The following EIF2D variants were observed in gnomAD, a reference collection of about 807,000 sequenced individuals.
The protein encoded by EIF2D is hepatocellular carcinoma-associated antigen 56.
In EIF2D, 56 loss-of-function variants were observed where a neutral mutation model predicts 77.4. The ratio of observed to expected loss-of-function variants is 0.72; its 90% confidence interval spans 0.58 to 0.90. The LOEUF (loss-of-function observed/expected upper bound fraction) is 0.90. Among genes scored for constraint, EIF2D ranks in the 40% least tolerant of loss-of-function variants. EIF2D has a pLI of 0.00. For synonymous variants in EIF2D, 230 were observed against 271.0 expected, an observed-to-expected ratio of 0.85 and a Z score of 1.49; for missense variants, 574 against 706.5, an observed-to-expected ratio of 0.81 and a Z score of 2.13.
chr1:206,585,256 C>G, intron 2 of EIF2D: 1 of 1,614,176 alleles, frequency 6.2e-7, no homozygotes, highest in South Asian at 1.1e-5. Flanking sequence ...CGGAGGTCCT[C>G]AGCTTTGTGC....
In EIF2D at chr1:206,579,763, T is replaced by C. The variant is rs141667107; in HGVS notation, c.*254+929A>G. Among the ~76,000 whole-genome samples, 331 of 152,284 alleles carry C rather than the reference T, an allele frequency of 2.2e-3. No homozygotes were observed. Among genetic ancestry groups the C allele is most frequent in the African/African-American group, 7.6e-3 (316 of 41,552 alleles). ...AAGTTTCTAAAGATCCCCCAGATGA[T>C]TGCACTGTGCAGACAAGTTTAAGAA... On this transcript the variant is annotated intron_variant and NMD_transcript_variant, in intron 4 of 5. Coordinates refer to the EIF2D transcript ENST00000472709. This position sits in a 1 kb window ranked among gnomAD's most constrained non-coding sequence, Gnocchi z 4.2.
At chr1:206,573,235 C>T (rs1553404549) in intron 4 of EIF2D, among the ~76,000 whole-genome samples, 2 of 151,808 alleles carry the variant, frequency 1.3e-5, no homozygotes, top group Non-Finnish European at 2.9e-5. Context: ...CCGAGGTGGG[C>T]GGACTGCTTG....
intron 11 of EIF2D, 92 bp from the exon 12 acceptor site, chr1:206,597,287 T>G: frequency 1.1e-6 from 1 of 908,676 alleles, no homozygotes; most frequent in South Asian, 1.5e-5. Flanking sequence ...ACGGCCTTTA[T>G]AGACATTCAG....
downstream of EIF2D, among the ~76,000 whole-genome samples, chr1:206,590,605 G>A (rs1431493629): frequency 2.0e-5 from 3 of 152,282 alleles, no homozygotes; most frequent in South Asian, 4.1e-4. Flanking sequence ...GATAGGATTA[G>A]TGAAATTAAG....
intron 13 of EIF2D, 29 bp from the exon 14 acceptor site, chr1:206,593,822 C>T (rs782405584): frequency 4.1e-5 from 64 of 1,572,432 alleles, no homozygotes; most frequent in African/African-American, 3.1e-4. Context: ...CAGAGACTGA[C>T]GGTGGTGACT....
chr1:206,594,726 A>C (rs1353277727), intron 13 of EIF2D: 1 of 152,028 alleles, frequency 6.6e-6, no homozygotes, highest in East Asian at 1.9e-4. Flanking sequence ...TTGCTTGCAG[A>C]CTCTCCAGAA....
rs1669388429 is a variant in EIF2D at position 206,592,502 on chromosome 1, C to T, written c.1685-657G>A. Among the ~76,000 whole-genome samples the T allele has an allele frequency of 6.6e-6, 1 of 152,168 alleles. No homozygotes were observed. Among genetic ancestry groups the T allele is most frequent in the South Asian group, 2.1e-4 (1 of 4,832 alleles). On this transcript the variant is annotated intron_variant, in intron 14 of 14. Transcript: ENST00000271764. The surrounding 1 kb of genome is among the most constrained non-coding windows in gnomAD (Gnocchi z 4.7). ...GGCAAGGGGATAGCCCAGGCGGAAG[C>T]ACATGTGGGTGAACATGCAAGGAGA...
At chr1:206,578,233 A>AGT (rs58059864) in intron 4 of EIF2D, among the ~76,000 whole-genome samples, 6,455 of 117,482 alleles carry the variant, frequency 0.055, 330 homozygotes, top group African/African-American at 0.16. Flanking sequence ...AAAAAAAAAA[A>AGT]GTGTGTGTGT....
chr1:206,593,931 T>C (rs1669511556), intron 13 of EIF2D, 138 bp from the exon 14 acceptor site: 1 of 663,240 alleles, frequency 1.5e-6, no homozygotes, highest in Non-Finnish European at 2.4e-6. Context: ...TAGTACTTTT[T>C]AAATCCAAAT....
intron 12 of EIF2D, among the ~76,000 whole-genome samples, chr1:206,596,495 G>C (rs1396082798): frequency 6.6e-6 from 1 of 152,178 alleles, no homozygotes; most frequent in Non-Finnish European, 1.5e-5. Flanking sequence ...TGGCAGGCCA[G>C]ATTTGACCCA....
intron 7 of EIF2D, chr1:206,601,847 G>A (rs1669936195): frequency 6.3e-6 from 1 of 157,586 alleles, no homozygotes; most frequent in African/African-American, 2.4e-5. Context: ...ACTCCTGATG[G>A]CTTGTGTTTT....
At chr1:206,597,963 A>T (rs1343551837) in intron 11 of EIF2D, among the ~76,000 whole-genome samples, 1 of 152,186 alleles carries the variant, frequency 6.6e-6, no homozygotes, top group East Asian at 1.9e-4. Context: ...AAAATAAAAC[A>T]TAAAATAAAA....
At chr1:206,582,484 T>A (rs1228258040) in intron 2 of EIF2D, among the ~76,000 whole-genome samples, 1 of 152,204 alleles carries the variant, frequency 6.6e-6, no homozygotes, top group African/African-American at 2.4e-5. Context: ...GGTAATAAAC[T>A]ATCTTACAGA....
chr1:206,610,671 A>C (rs1670433534), intron 2 of EIF2D, among the ~76,000 whole-genome samples: 2 of 152,224 alleles, frequency 1.3e-5, no homozygotes, highest in Non-Finnish European at 2.9e-5. Flanking sequence ...AATGCAAAAA[A>C]TTAGCAAGGT....
chr1:206,582,050 G>A (rs1668908955), intron 2 of EIF2D, among the ~76,000 whole-genome samples: 1 of 152,184 alleles, frequency 6.6e-6, no homozygotes, highest in East Asian at 1.9e-4. Flanking sequence ...TCCACCCCAA[G>A]TCTGCTACAC....
chr1:206,605,764 CTT>C (rs1670176771), intron 4 of EIF2D, among the ~76,000 whole-genome samples: 1 of 152,206 alleles, frequency 6.6e-6, no homozygotes, highest in Admixed American at 6.5e-5. Context: ...TTATCACTGC[CTT>C]TGTTTTATTC....
chr1:206,594,083 T>A (rs531641452), intron 13 of EIF2D: 2 of 233,040 alleles, frequency 8.6e-6, no homozygotes, highest in Non-Finnish European at 1.7e-5. Context: ...AAAACATAAA[T>A]GAAAGCAGAA....
intron 3 of EIF2D, 140 bp downstream of exon 3, chr1:206,609,236 G>A: frequency 4.0e-6 from 3 of 753,232 alleles, no homozygotes; most frequent in Non-Finnish European, 4.3e-6. Context: ...AACCAGCCAA[G>A]TGAGAAACAT....
chr1:206,609,513 G>T (rs1670368489), intron 2 of EIF2D, 54 bp from the exon 3 acceptor site: 1 of 1,458,180 alleles, frequency 6.9e-7, no homozygotes, highest in African/African-American at 1.4e-5. Flanking sequence ...ATCTTCTAGA[G>T]AAATGGAAAA....
Sources: allele counts gnomAD v4.1 joint callset (sites outside exome capture counted in the v4.1 genomes callset), GRCh38; gene constraint gnomAD v4.1.1; non-coding constraint Gnocchi (gnomAD v3.1); transcripts MANE v1.5; gene names NCBI Gene and HGNC (gene_info 2026-07-23, HGNC 2026-07-21).